Variants in PBX3 observed in about 807,000 individuals in gnomAD.
PBX3 encodes pre-B-cell leukemia transcription factor 3.
In PBX3, 14 loss-of-function variants were observed where a neutral mutation model predicts 48.5. The ratio of observed to expected loss-of-function variants is 0.29; its 90% CI spans 0.19 to 0.45. The LOEUF (loss-of-function observed/expected upper bound fraction) is 0.45, where lower values mean the gene tolerates loss of function less well. Among genes scored for constraint, PBX3 ranks in the 20% least tolerant of loss-of-function variants. The probability of loss-of-function intolerance (pLI) is 1.00; values close to 1 mark genes in which losing one functional copy is unlikely to be tolerated. For missense variants in PBX3, 386 were observed against 546.7 expected (o/e 0.71, Z 2.93); for synonymous variants, 210 against 200.3 (o/e 1.05, Z -0.41).
rs115287765 is a variant in PBX3 at position 125,803,025 on chromosome 9, C to A, written c.274+54402C>A. 3.0e-3 allele frequency among the ~76,000 whole-genome samples: 456 copies of A among 150,226 alleles called. 1 individual carries two copies. The highest frequency in any genetic ancestry group is 0.011 in the African/African-American group (440 of 40,980). On this transcript the variant is annotated intron_variant, in intron 2 of 8. Coordinates refer to ENST00000373489, the MANE Select transcript of PBX3 (RefSeq NM_006195.6). Reference sequence around the variant, plus strand: ...ATGATACTCTGTTTTATAACCATAACACAATTATTAAAATCAGGAATTTAT... The same window carrying A: ...ATGATACTCTGTTTTATAACCATAAAACAATTATTAAAATCAGGAATTTAT...
chr9:125,793,501 C>G (rs1227747028), intron 2 of PBX3, among the ~76,000 whole-genome samples: 1 of 151,132 alleles, frequency 6.6e-6, no homozygotes, highest in Non-Finnish European at 1.5e-5. Context: ...ACGATCTCAG[C>G]TCACTGCATC....
intron 2 of PBX3, among the ~76,000 whole-genome samples, chr9:125,871,560 C>T (rs1423247698): frequency 6.6e-6 from 1 of 151,904 alleles, no homozygotes; most frequent in Non-Finnish European, 1.5e-5. Flanking sequence ...TAACAGAAAA[C>T]ATTATATAAT....
chr9:125,881,161 A>G (rs1840372197), intron 2 of PBX3, among the ~76,000 whole-genome samples: 1 of 152,224 alleles, frequency 6.6e-6, no homozygotes, highest in Non-Finnish European at 1.5e-5. Context: ...GTGCTTTGAA[A>G]TTTGTGCCTG....
chr9:125,764,582 G>C (rs1836755096), intron 2 of PBX3, among the ~76,000 whole-genome samples: 1 of 152,134 alleles, frequency 6.6e-6, no homozygotes, highest in Admixed American at 6.5e-5. Flanking sequence ...CCTTTTGGGG[G>C]AACTACATGC....
chr9:125,837,501 G>C (rs1406858915), intron 2 of PBX3, among the ~76,000 whole-genome samples: 1 of 151,576 alleles, frequency 6.6e-6, no homozygotes, highest in Non-Finnish European at 1.5e-5. Context: ...ATAGGAAAGA[G>C]ACTTAAAAAT....
chr9:125,942,540 G>GA, intron 5 of PBX3, among the ~76,000 whole-genome samples: 1 of 151,904 alleles, frequency 6.6e-6, no homozygotes, highest in East Asian at 1.9e-4. Context: ...ATTAGAGCAG[G>GA]AAAAAAGAAG....
intron 2 of PBX3, among the ~76,000 whole-genome samples, chr9:125,802,867 C>T (rs1012540247): frequency 2.0e-5 from 3 of 151,836 alleles, no homozygotes; most frequent in Non-Finnish European, 4.4e-5. Flanking sequence ...TTAGTAGAGA[C>T]AAGGTTTCCC....
chr9:125,827,104 T>C (rs916534616), intron 2 of PBX3, among the ~76,000 whole-genome samples: 6 of 152,278 alleles, frequency 3.9e-5, no homozygotes, highest in Non-Finnish European at 8.8e-5. Flanking sequence ...CTTTTTTGGC[T>C]CCCACATATA....
At chr9:125,811,190 A>T (rs1191331913) in intron 2 of PBX3, among the ~76,000 whole-genome samples, 1 of 152,220 alleles carries the variant, frequency 6.6e-6, no homozygotes, top group Non-Finnish European at 1.5e-5. Flanking sequence ...TGTATGTTTT[A>T]TGAATTATTG....
At chr9:125,876,802 CTTTTTTTT>C (rs59596389) in intron 2 of PBX3, among the ~76,000 whole-genome samples, 3 of 128,974 alleles carry the variant, frequency 2.3e-5, no homozygotes, top group Admixed American at 7.7e-5. Flanking sequence ...TTCTTTCTTT[CTTTTTTTT>C]TTTTTTTTTT....
At chr9:125,776,073 T>G (rs577095863) in intron 2 of PBX3, among the ~76,000 whole-genome samples, 1 of 152,362 alleles carries the variant, frequency 6.6e-6, no homozygotes, top group East Asian at 1.9e-4. Context: ...CCAATTTGGA[T>G]GCCTTTTATT....
At chr9:125,781,803 CTT>C (rs927257843) in intron 2 of PBX3, among the ~76,000 whole-genome samples, 1 of 148,796 alleles carries the variant, frequency 6.7e-6, no homozygotes. Context: ...GATTTGAGAT[CTT>C]TTTTTTTTCT....
intron 2 of PBX3, among the ~76,000 whole-genome samples, chr9:125,778,495 G>T (rs1034197148): frequency 4.0e-5 from 6 of 151,320 alleles, no homozygotes; most frequent in Non-Finnish European, 8.8e-5. Context: ...CTGACCTCGT[G>T]ATCCACCCAC....
intron 2 of PBX3, among the ~76,000 whole-genome samples, chr9:125,790,316 G>A (rs966670996): frequency 2.0e-5 from 3 of 148,176 alleles, no homozygotes; most frequent in African/African-American, 7.6e-5. Flanking sequence ...GTGGTAGCGC[G>A]ATCTCAGCTC....
chr9:125,824,727 T>A (rs1588186903), intron 2 of PBX3, among the ~76,000 whole-genome samples: 1 of 151,440 alleles, frequency 6.6e-6, no homozygotes. Flanking sequence ...TTTTTTTAAA[T>A]ACTCATTGCT....
chr9:125,854,562 C>T (rs1447438384), intron 2 of PBX3, among the ~76,000 whole-genome samples: 1 of 152,142 alleles, frequency 6.6e-6, no homozygotes, highest in Non-Finnish European at 1.5e-5. Context: ...ATTAACATTT[C>T]TTCTCTAGTT....
rs928026375 is a variant in PBX3 at position 125,803,687 on chromosome 9, A to T, written c.274+55064A>T. Among the ~76,000 whole-genome samples, 9 of 152,352 alleles carry T rather than the reference A, an allele frequency of 5.9e-5. 1 individual carries two copies. Among genetic ancestry groups the T allele is most frequent in the Admixed American group, 3.3e-4 (5 of 15,308 alleles). On this transcript the variant is annotated intron_variant, in intron 2 of 8. Coordinates refer to ENST00000373489, the MANE Select transcript of PBX3 (RefSeq NM_006195.6). ...CCTCAGTCATTAGATCAAGAGGCAT[A>T]TGATGTCACTTTGTCATATTACTAG... is the stretch of plus-strand genomic sequence containing the variant.
rs149222534 is a variant in PBX3, at chr9:125,808,973, C to G, written c.274+60350C>G. Among the ~76,000 whole-genome samples the G allele has an allele frequency of 1.1e-3, 172 of 152,268 alleles. 2 individuals carry two copies. In the East Asian group the frequency reaches 0.022, roughly 19 times the overall value. ...TTGTCCTTAGGAACACCAGACAGCA[C>G]TTACCGCTGTTCTTGAGTGCCATTT... On this transcript the variant is annotated intron_variant, in intron 2 of 8. Coordinates refer to ENST00000373489, the MANE Select transcript of PBX3 (RefSeq NM_006195.6).
intron 2 of PBX3, among the ~76,000 whole-genome samples, chr9:125,908,294 G>C (rs187111450): frequency 2.1e-3 from 323 of 152,202 alleles, no homozygotes; most frequent in Non-Finnish European, 3.7e-3. Flanking sequence ...CTCAGTGTTA[G>C]AGGGAGCAGG....
Sources: allele counts gnomAD v4.1 joint callset (sites outside exome capture counted in the v4.1 genomes callset), GRCh38; gene constraint gnomAD v4.1.1; transcripts MANE v1.5; gene names NCBI Gene and HGNC (gene_info 2026-07-23, HGNC 2026-07-21).